Variants in SMARCD3 observed in about 807,000 individuals in gnomAD.
The protein encoded by SMARCD3 is SWI/SNF-related matrix-associated actin-dependent regulator of chromatin subfamily D member 3.
Under a neutral mutation model 58.0 loss-of-function variants are expected in SMARCD3, and 14 were observed. The observed-to-expected ratio is 0.24, with a 90% CI of 0.16 to 0.38. The LOEUF (loss-of-function observed/expected upper bound fraction) is 0.38, where lower values mean the gene tolerates loss of function less well. SMARCD3 is among the 10% of genes least tolerant of loss of function. The pLI is 1.00. For synonymous variants in SMARCD3, 253 were observed against 253.8 expected (o/e 1.00, Z 0.03); for missense variants, 408 against 636.9 (o/e 0.64, Z 3.87).
intron 2 of SMARCD3, among the ~76,000 whole-genome samples, chr7:151,259,654 G>A (rs1230015014): frequency 8.3e-6 from 1 of 120,406 alleles, no homozygotes; most frequent in Non-Finnish European, 1.6e-5. Context: ...TTGTCACCCA[G>A]GCTGGAGTGC....
At position 151,241,322 on chromosome 7, in the gene SMARCD3, G is replaced by C; in HGVS notation, c.939+170C>G. On this transcript the variant is annotated intron_variant, in intron 8 of 12. Transcript: ENST00000262188. The surrounding 1 kb of genome is among the most constrained non-coding windows in gnomAD (Gnocchi z 5.3). ...CAGCACAGAGCTAATCCACAGTAGG[G>C]CCTGAACTAGAATCCTGGTCGGTCT... is the stretch of plus-strand genomic sequence containing the variant. 1.4e-6 allele frequency: 1 copy of C among 695,722 alleles called. No homozygotes were observed. The highest frequency in any genetic ancestry group is 1.6e-5 in the South Asian group (1 of 64,026). The allele number at this position is 695,722 out of a possible 1,614,324, so 43.1% of individuals were successfully genotyped here.
In SMARCD3 at chr7:151,275,113, C is replaced by T; in HGVS notation, c.39+1G>A. The T allele has an allele frequency of 6.2e-7, 1 of 1,611,714 alleles. No homozygotes were observed. Among genetic ancestry groups the T allele is most frequent in the Non-Finnish European group, 8.5e-7 (1 of 1,179,310 alleles). On this transcript the variant is annotated splice_donor_variant, in intron 2 of 13. Coordinates refer to the SMARCD3 transcript ENST00000356800. LOFTEE classifies it high-confidence loss of function. ...GGGCTGGCAGGGGAGGAAGCACCTA[C>T]CTGTACCACGGTGGGTGGGTGCTGA...
At chr7:151,247,435 C>T (rs1803321907) in intron 1 of SMARCD3, among the ~76,000 whole-genome samples, 1 of 152,030 alleles carries the variant, frequency 6.6e-6, no homozygotes. Context: ...CCCCAGTTAT[C>T]AAGGCCAGGG....
At position 151,245,808 on chromosome 7, in the gene SMARCD3, TG is replaced by T; in HGVS notation, c.79-138del. 1 of 382,602 alleles carries T rather than the reference TG, an allele frequency of 2.6e-6. No homozygotes were observed. The highest frequency in any genetic ancestry group is 4.5e-5 in the Admixed American group (1 of 22,152). 23.7% of individuals were successfully genotyped at this position (382,602 alleles called of 1,614,324 possible). A position where few individuals can be genotyped will look rare whatever the true frequency, so the allele number is the denominator to read the frequency against. Reference sequence around the variant, plus strand: ...GTGACCCTGAGCGTTGAGCGATGGGTGGGAGCGATGGGTAGGAGGGGCAGGG... The same window carrying T: ...GTGACCCTGAGCGTTGAGCGATGGGTGGAGCGATGGGTAGGAGGGGCAGGG... On this transcript the variant is annotated intron_variant, in intron 1 of 12. Transcript: ENST00000262188. This position sits in a 1 kb window ranked among gnomAD's most constrained non-coding sequence, Gnocchi z 6.2.
chr7:151,252,198 G>A (rs1355182389), upstream of SMARCD3, among the ~76,000 whole-genome samples: 2 of 152,140 alleles, frequency 1.3e-5, no homozygotes, highest in African/African-American at 2.4e-5. Flanking sequence ...CGCGGCAGGA[G>A]GAGCAGGAGA....
upstream of SMARCD3, chr7:151,249,233 G>A (rs1803425956): frequency 6.6e-6 from 1 of 152,114 alleles, no homozygotes; most frequent in African/African-American, 2.4e-5. This position sits in a 1 kb window ranked among gnomAD's most constrained non-coding sequence, Gnocchi z 4.8. Flanking sequence ...CCCGGGGCCG[G>A]CGGCGGTGGG....
At chr7:151,258,843 A>G (rs1486491628) in intron 2 of SMARCD3, among the ~76,000 whole-genome samples, 3 of 152,042 alleles carry the variant, frequency 2.0e-5, no homozygotes, top group East Asian at 3.9e-4. Context: ...GGCAATCTAC[A>G]TGGCGGACTC....
chr7:151,274,933 C>T (rs1352757974), intron 2 of SMARCD3, among the ~76,000 whole-genome samples: 1 of 152,118 alleles, frequency 6.6e-6, no homozygotes, highest in Non-Finnish European at 1.5e-5. Flanking sequence ...ACATTAATGA[C>T]AGGTGTCAGC....
rs555399406 is a variant in SMARCD3 at position 151,263,361 on chromosome 7, G to A, written c.39+11753C>T. ...GGAAGGCAGCTGGGGAGGTTGGGGAGAGAGAGGCAGGATGTCCATGTGTCC... is the reference window on the plus strand; with the variant it reads ...GGAAGGCAGCTGGGGAGGTTGGGGAAAGAGAGGCAGGATGTCCATGTGTCC... On this transcript the variant is annotated intron_variant, in intron 2 of 13. Coordinates refer to the SMARCD3 transcript ENST00000356800. Among the ~76,000 whole-genome samples, 3 of 152,236 alleles carry A rather than the reference G, an allele frequency of 2.0e-5. No homozygotes were observed. In the East Asian group the frequency reaches 5.8e-4, roughly 29 times the overall value.
chr7:151,258,831 C>T (rs1276454983), intron 2 of SMARCD3, among the ~76,000 whole-genome samples: 1 of 152,106 alleles, frequency 6.6e-6, no homozygotes, highest in Non-Finnish European at 1.5e-5. Flanking sequence ...TGCTCTTCCT[C>T]TGGCAATCTA....
upstream of SMARCD3, among the ~76,000 whole-genome samples, chr7:151,252,616 C>T (rs1055604258): frequency 3.9e-5 from 6 of 152,190 alleles, no homozygotes; most frequent in Admixed American, 6.5e-5. Context: ...CCGGGCTAAG[C>T]ACCAGCCTCG....
Position 151,241,229 on chromosome 7 carries a change from C to T in SMARCD3, c.939+263G>A. On this transcript the variant is annotated intron_variant, in intron 8 of 12. Transcript: ENST00000262188. This position sits in a 1 kb window ranked among gnomAD's most constrained non-coding sequence, Gnocchi z 5.3. Reference sequence around the variant, plus strand: ...TCCAAGTGCCAAGAATATTACATTCCAGAAAGCGGTTGGCTTTGTAGGGTT... The same window carrying T: ...TCCAAGTGCCAAGAATATTACATTCTAGAAAGCGGTTGGCTTTGTAGGGTT... 2 of 498,552 alleles carry T rather than the reference C, an allele frequency of 4.0e-6. No homozygotes were observed. The highest frequency in any genetic ancestry group is 7.4e-6 in the Non-Finnish European group (2 of 272,076). 30.9% of individuals were successfully genotyped at this position (498,552 alleles called of 1,614,324 possible).
At chr7:151,262,484 C>T (rs1057197666) in intron 2 of SMARCD3, among the ~76,000 whole-genome samples, 1 of 152,236 alleles carries the variant, frequency 6.6e-6, no homozygotes, top group African/African-American at 2.4e-5. Flanking sequence ...AGTAGGGCCT[C>T]CTCCCACCCC....
upstream of SMARCD3, among the ~76,000 whole-genome samples, chr7:151,250,635 A>C (rs1200866338): frequency 6.6e-6 from 1 of 151,806 alleles, no homozygotes; most frequent in African/African-American, 2.4e-5. Context: ...CTTGTATGCA[A>C]AGATTTTTCT....
At chr7:151,248,754 C>CCCG (rs563262664), upstream of SMARCD3, 3,164 of 1,041,656 alleles carry the variant, frequency 3.0e-3, 68 homozygotes, top group African/African-American at 0.044. This position sits in a 1 kb window ranked among gnomAD's most constrained non-coding sequence, Gnocchi z 6.1. Flanking sequence ...CCGCCGCCCG[C>CCCG]CCGCCGCCGC....
In SMARCD3 at chr7:151,238,890, C is replaced by A; in HGVS notation, c.*213G>T. On this transcript the variant is annotated 3_prime_UTR_variant, in exon 13 of 13. Coordinates refer to ENST00000262188, the MANE Select transcript of SMARCD3 (RefSeq NM_001003801.2). ...AAGGGAAGGGAATGGGGAGTCGTCC[C>A]GAGGGACCCACTGCCTCCCCACCTT... 1 of 1,260,978 alleles carries A rather than the reference C, an allele frequency of 7.9e-7. No homozygotes were observed. The highest frequency in any genetic ancestry group is 1.1e-6 in the Non-Finnish European group (1 of 906,750). The allele number at this position is 1,260,978 out of a possible 1,614,324, so 78.1% of individuals were successfully genotyped here. A position where few individuals can be genotyped will look rare whatever the true frequency, so the allele number is the denominator to read the frequency against.
rs773876903 is a variant in SMARCD3 at position 151,243,739 on chromosome 7, C to T, written c.291-38G>A. 6.0e-6 allele frequency: 9 copies of T among 1,504,206 alleles called. No individual in the cohort carries two copies. The highest frequency in any genetic ancestry group is 4.5e-5 in the East Asian group (2 of 44,348). 93.2% of individuals were successfully genotyped at this position (1,504,206 alleles called of 1,614,324 possible). A position where few individuals can be genotyped will look rare whatever the true frequency, so the allele number is the denominator to read the frequency against. On this transcript the variant is annotated intron_variant, in intron 2 of 12. Transcript: ENST00000262188. This position sits in a 1 kb window ranked among gnomAD's most constrained non-coding sequence, Gnocchi z 4.4. ...TAAAGAAAAAACCAGGTTACCATGG[C>T]GACAGATCTGGGCGTAACGAGGCCA...
intron 9 of SMARCD3, 48 bp from the exon 10 acceptor site, chr7:151,240,295 C>T: frequency 6.2e-7 from 1 of 1,612,754 alleles, no homozygotes. Context: ...CCCATACGGC[C>T]CCAGGGCCCC....
intron 2 of SMARCD3, among the ~76,000 whole-genome samples, chr7:151,255,664 C>T (rs1194582475): frequency 6.6e-6 from 1 of 151,970 alleles, no homozygotes; most frequent in South Asian, 2.1e-4. Flanking sequence ...CAGTCCCATG[C>T]ACCCTACTCG....
Sources: gnomAD v4.1 joint callset for allele counts (sites outside exome capture counted in the v4.1 genomes callset) on GRCh38, gnomAD v4.1.1 for gene constraint, Gnocchi (gnomAD v3.1) non-coding constraint, MANE v1.5 for transcripts, NCBI Gene and HGNC (gene_info 2026-07-23, HGNC 2026-07-21) for gene names.